The following DNMT3A variants were observed in gnomAD, a reference collection of about 807,000 sequenced individuals.
The protein encoded by DNMT3A is DNA (cytosine-5)-methyltransferase 3A.
A neutral mutation model predicts 117.6 loss-of-function variants in DNMT3A; 267 were observed. That is an observed-to-expected ratio of 2.27 (90% CI 2.05 to 2.51). The LOEUF (loss-of-function observed/expected upper bound fraction) is 2.51. Among genes scored for constraint, DNMT3A ranks in the 30% most tolerant of loss-of-function variants. The pLI, the probability that DNMT3A is intolerant of heterozygous loss-of-function variation, is 0.00. For missense variants in DNMT3A, 1,029 were observed against 1,260.2 expected (o/e 0.82, Z 2.78); for synonymous variants, 432 against 474.8 (o/e 0.91, Z 1.17).
rs568615170 is a variant in DNMT3A at position 25,296,614 on chromosome 2, C to G, written c.177+3525G>C. Among the ~76,000 whole-genome samples, 2 of 152,310 alleles carry G rather than the reference C, an allele frequency of 1.3e-5. No homozygotes were observed. The highest frequency in any genetic ancestry group is 4.1e-4 in the South Asian group (2 of 4,826). On this transcript the variant is annotated intron_variant, in intron 3 of 22. Transcript: ENST00000321117. This position sits in a 1 kb window ranked among gnomAD's most constrained non-coding sequence, Gnocchi z 4.2. The stretch of plus-strand genomic sequence containing the variant: ...AAGGCATCTTCCTCTGGTGGCTTCC[C>G]GCACATGGTCAGTGCTCAGGAAGTG...
chr2:25,274,848 T>C (rs1352465472), intron 6 of DNMT3A, 93 bp downstream of exon 6: 5 of 1,517,410 alleles, frequency 3.3e-6, no homozygotes, highest in Non-Finnish European at 4.4e-6. Flanking sequence ...CAGTAAGTTC[T>C]AAGGGTTAGC....
chr2:25,233,234 T>C lies in DNMT3A; in HGVS notation c.*1045A>G, dbSNP rs747021738. The C allele has an allele frequency of 4.3e-6, 1 of 233,704 alleles. No individual in the cohort carries two copies. The highest frequency in any genetic ancestry group is 2.2e-5 in the African/African-American group (1 of 45,336). 14.5% of individuals were successfully genotyped at this position (233,704 alleles called of 1,614,324 possible). On this transcript the variant is annotated 3_prime_UTR_variant, in exon 23 of 23. Coordinates refer to ENST00000321117, the MANE Select transcript of DNMT3A (RefSeq NM_022552.5). ...CGACCACCTCATCTAGCCCCCTTTT[T>C]GGCAGGGAGAACCTGGCTCCCAAGT...
rs2033250338 is a variant in DNMT3A, at chr2:25,298,881, G to A, written c.177+1258C>T. The stretch of plus-strand genomic sequence containing the variant: ...CTCAAATCTTCAGGCAGAACTGGCA[G>A]GGGTGCATCTCAGTACACAGCAGGT... On this transcript the variant is annotated intron_variant, in intron 3 of 22. Coordinates refer to ENST00000321117, the MANE Select transcript of DNMT3A (RefSeq NM_022552.5). This position sits in a 1 kb window ranked among gnomAD's most constrained non-coding sequence, Gnocchi z 4.3. Among the ~76,000 whole-genome samples, 1 of 151,946 alleles carries A rather than the reference G, an allele frequency of 6.6e-6. No homozygotes were observed. The highest frequency in any genetic ancestry group is 2.1e-4 in the South Asian group (1 of 4,812).
rs2032995362 is a variant in DNMT3A at position 25,294,838 on chromosome 2, A to T, written c.177+5301T>A. Among the ~76,000 whole-genome samples the T allele has an allele frequency of 6.6e-6, 1 of 152,086 alleles. No individual in the cohort carries two copies. The highest frequency in any genetic ancestry group is 2.1e-4 in the South Asian group (1 of 4,828). On this transcript the variant is annotated intron_variant, in intron 3 of 22. Transcript: ENST00000321117. The surrounding 1 kb of genome is among the most constrained non-coding windows in gnomAD (Gnocchi z 4.7). ...GCGGTGTTGGAGGGTCAGCCCTAAC[A>T]CCAGCTTGGGCTCAGCTGAGCTCAG...
At position 25,246,736 on chromosome 2, in the gene DNMT3A, T is replaced by C; in HGVS notation, c.1163A>G (p.His388Arg). 1 of 1,613,870 alleles carries C rather than the reference T, an allele frequency of 6.2e-7. No homozygotes were observed. The highest frequency in any genetic ancestry group is 8.5e-7 in the Non-Finnish European group (1 of 1,180,026). ...GGCAGTGTCACTCTCATCGCTGTCG[T>C]GGCACACCGGGAACAGCTTCCCCGC... ...SRAGKLFPVC[H>R]DSDESDTAKA... is the part of the protein sequence containing the mutation. Residue 388 changes from histidine to arginine, a missense_variant, in exon 10 of 23, where the codon CAC becomes CGC. Transcript: ENST00000321117.
intron 2 of DNMT3A, among the ~76,000 whole-genome samples, chr2:25,312,024 TC>T (rs1329336525): frequency 6.6e-6 from 1 of 152,032 alleles, no homozygotes; most frequent in Non-Finnish European, 1.5e-5. Flanking sequence ...GTCCCAGCTG[TC>T]CCCACCCTCC....
chr2:25,283,664 G>A, intron 3 of DNMT3A, among the ~76,000 whole-genome samples: 1 of 152,238 alleles, frequency 6.6e-6, no homozygotes. Flanking sequence ...CAGTTTTCAG[G>A]CTCTGCAACA....
chr2:25,340,816 TCCCGGC>T (rs1342207601), intron 1 of DNMT3A, among the ~76,000 whole-genome samples: 3 of 119,232 alleles, frequency 2.5e-5, no homozygotes, highest in Non-Finnish European at 5.3e-5. Flanking sequence ...CCGCTCCCGG[TCCCGGC>T]CCCGCTACTT....
At chr2:25,328,657 AC>A in intron 1 of DNMT3A, 1 of 522,072 alleles carries the variant, frequency 1.9e-6, no homozygotes, top group Non-Finnish European at 3.9e-6. Context: ...GTGTGAAGTC[AC>A]TCCCAGGCAG....
rs193068169 is a variant in DNMT3A, at chr2:25,315,472, G to A, written c.-177-1311C>T. ...CCCTGAGGCAGCCCAGGTGCACTGC[G>A]TCCATTCCCCATACCCCTAGGCACA... On this transcript the variant is annotated intron_variant, in intron 1 of 22. Coordinates refer to ENST00000321117, the MANE Select transcript of DNMT3A (RefSeq NM_022552.5). Among the ~76,000 whole-genome samples, 64 of 152,294 alleles carry A rather than the reference G, an allele frequency of 4.2e-4. 1 individual carries two copies. The East Asian group carries it at 8.9e-3, about 21-fold the overall frequency.
Position 25,241,582 on chromosome 2 carries a change from G to C in DNMT3A, c.2062C>G (p.Arg688Gly), listed in dbSNP as rs1484795800. ...CATACATGCTTCTGTGTGACGCTGC[G>C]GACGTCCCCGACGTACATGATCTTC... The part of the protein sequence containing the change: ...QGKIMYVGDV[R>G]SVTQKHIQEW... The change falls in exon 17 of 23, where the codon CGC becomes GGC. Residue 688 changes from arginine (R) to glycine (G), a missense_variant. Coordinates refer to ENST00000321117, the MANE Select transcript of DNMT3A (RefSeq NM_022552.5). The C allele has an allele frequency of 1.9e-6, 3 of 1,613,610 alleles. No individual in the cohort carries two copies. The highest frequency in any genetic ancestry group is 1.6e-4 in the Middle Eastern group (1 of 6,072).
At chr2:25,335,225 G>A (rs1007307042) in intron 1 of DNMT3A, among the ~76,000 whole-genome samples, 1 of 152,160 alleles carries the variant, frequency 6.6e-6, no homozygotes, top group Non-Finnish European at 1.5e-5. Flanking sequence ...GGCTTTTAGG[G>A]AATCTAAGTG....
intron 2 of DNMT3A, among the ~76,000 whole-genome samples, chr2:25,307,265 A>T (rs1442858882): frequency 6.6e-6 from 1 of 152,176 alleles, no homozygotes; most frequent in Non-Finnish European, 1.5e-5. Flanking sequence ...TGCCAAGCCC[A>T]GGTACCAGAG....
chr2:25,235,804 T>TAATGGTCCTCACTTTGCTG lies in DNMT3A; in HGVS notation c.2481_2499dup (p.Thr834GlnfsTer27). 1 of 1,614,104 alleles carries TAATGGTCCTCACTTTGCTG rather than the reference T, an allele frequency of 6.2e-7. No individual in the cohort carries two copies. The highest frequency in any genetic ancestry group is 8.5e-7 in the Non-Finnish European group (1 of 1,179,988). On this transcript the variant is annotated frameshift_variant, in exon 22 of 23. Coordinates refer to ENST00000321117, the MANE Select transcript of DNMT3A (RefSeq NM_022552.5). LOFTEE classifies it high-confidence loss of function. ...TGCTTTATGGAGTTTGACCTCGTAG[T>TAATGGTCCTCACTTTGCTG]AATGGTCCTCACTTTGCTGAACTAG...
At chr2:25,251,008 C>T (rs1675464456) in intron 6 of DNMT3A, among the ~76,000 whole-genome samples, 1 of 152,176 alleles carries the variant, frequency 6.6e-6, no homozygotes, top group African/African-American at 2.4e-5. Context: ...CCACAACTTC[C>T]CCCAGCTTGT....
Position 25,281,923 on chromosome 2 carries a change from C to T in DNMT3A, c.448+518G>A. On this transcript the variant is annotated intron_variant, in intron 4 of 22. Transcript: ENST00000321117. The surrounding 1 kb of genome is among the most constrained non-coding windows in gnomAD (Gnocchi z 4.8). ...CAGCCCAACTAGGGTGGGCTCAGGA[C>T]CTCTGCACTCAGGGAGGCAAACAGG... 2.7e-5 allele frequency: 29 copies of T among 1,079,226 alleles called. No individual in the cohort carries two copies. The highest frequency in any genetic ancestry group is 3.3e-5 in the Non-Finnish European group (29 of 887,138). 66.9% of individuals were successfully genotyped at this position (1,079,226 alleles called of 1,614,324 possible). A position where few individuals can be genotyped will look rare whatever the true frequency, so the allele number is the denominator to read the frequency against.
rs535482880 is a variant in DNMT3A, at chr2:25,305,122, C to A, written c.73-4879G>T. On this transcript the variant is annotated intron_variant, in intron 2 of 22. Transcript: ENST00000321117. The surrounding 1 kb of genome is among the most constrained non-coding windows in gnomAD (Gnocchi z 4.1). ...GTCCATAGACGCAAACAGAGACACA[C>A]GTACAAATCTACAAACCCGTACAAA... is the stretch of plus-strand genomic sequence containing the variant. Among the ~76,000 whole-genome samples the A allele has an allele frequency of 2.0e-5, 3 of 152,344 alleles. No homozygotes were observed. Among genetic ancestry groups the A allele is most frequent in the African/African-American group, 7.2e-5 (3 of 41,580 alleles).
chr2:25,297,768 C>A (rs1408488183), intron 3 of DNMT3A, among the ~76,000 whole-genome samples: 2 of 152,200 alleles, frequency 1.3e-5, no homozygotes, highest in Non-Finnish European at 1.5e-5. Flanking sequence ...CCTTGGCTTC[C>A]TAAATTGCTG....
rs1672953258 is a variant in DNMT3A at position 25,233,043 on chromosome 2, T to C, written c.*1236A>G. 1 of 233,404 alleles carries C rather than the reference T, an allele frequency of 4.3e-6. No individual in the cohort carries two copies. The highest frequency in any genetic ancestry group is 8.5e-6 in the Non-Finnish European group (1 of 118,054). 14.5% of individuals were successfully genotyped at this position (233,404 alleles called of 1,614,324 possible). A position where few individuals can be genotyped will look rare whatever the true frequency, so the allele number is the denominator to read the frequency against. On this transcript the variant is annotated 3_prime_UTR_variant, in exon 23 of 23. Coordinates refer to ENST00000321117, the MANE Select transcript of DNMT3A (RefSeq NM_022552.5). ...ACTGTCACTTTCCCACACTCTGGATTAGTTCTGATCCCACCACAAGGAGCC... is the reference window on the plus strand; with the variant it reads ...ACTGTCACTTTCCCACACTCTGGATCAGTTCTGATCCCACCACAAGGAGCC...
Sources: allele counts gnomAD v4.1 joint callset (sites outside exome capture counted in the v4.1 genomes callset), GRCh38; gene constraint gnomAD v4.1.1; non-coding constraint Gnocchi (gnomAD v3.1); transcripts MANE v1.5; gene names NCBI Gene and HGNC (gene_info 2026-07-23, HGNC 2026-07-21).